CNTN1: variants seen among roughly 807,000 people sequenced by gnomAD.
CNTN1 encodes contactin 1, also known as contactin-1.
CNTN1 carries 38 observed loss-of-function variants against 126.4 expected under a neutral mutation model. The observed-to-expected ratio is 0.30, with a 90% CI of 0.23 to 0.39. CNTN1 has a LOEUF of 0.39. Among genes scored for constraint, CNTN1 ranks in the 10% least tolerant of loss-of-function variants. The pLI, the probability that CNTN1 is intolerant of heterozygous loss-of-function variation, is 1.00. For missense variants in CNTN1, 1,009 were observed against 1,248.4 expected (o/e 0.81, Z 2.89); for synonymous variants, 413 against 422.6 (o/e 0.98, Z 0.28).
At chr12:40,875,094 A>T (rs912813318) in intron 1 of CNTN1, among the ~76,000 whole-genome samples, 2 of 152,190 alleles carry the variant, frequency 1.3e-5, no homozygotes, top group Non-Finnish European at 2.9e-5. Flanking sequence ...TCATCTGGAC[A>T]CTTAAATATA....
intron 1 of CNTN1, among the ~76,000 whole-genome samples, chr12:40,693,581 G>A (rs969695967): frequency 6.6e-6 from 1 of 152,248 alleles, no homozygotes; most frequent in Admixed American, 6.5e-5. Flanking sequence ...TGATGGGAAA[G>A]AGGGAAAGCG....
chr12:40,948,661 T>G (rs1043480612), intron 14 of CNTN1, among the ~76,000 whole-genome samples: 3 of 152,230 alleles, frequency 2.0e-5, no homozygotes, highest in Non-Finnish European at 4.4e-5. Flanking sequence ...TCCACCACTT[T>G]GATTCATCTT....
chr12:41,004,729 T>C (rs1948449282), intron 17 of CNTN1, among the ~76,000 whole-genome samples: 1 of 152,244 alleles, frequency 6.6e-6, no homozygotes, highest in Admixed American at 6.5e-5. Flanking sequence ...AAAAGTCTGT[T>C]TTGTCAGAAA....
chr12:41,000,632 A>T (rs939953001), intron 17 of CNTN1, among the ~76,000 whole-genome samples: 12 of 151,508 alleles, frequency 7.9e-5, no homozygotes, highest in African/African-American at 1.7e-4. Flanking sequence ...ATATAGTTTT[A>T]TTTTTTTTAA....
At chr12:40,918,563 AT>A (rs892849418) in intron 3 of CNTN1, 75 bp from the exon 4 acceptor site, 200 of 1,334,654 alleles carry the variant, frequency 1.5e-4, no homozygotes, top group Non-Finnish European at 2.0e-4. Flanking sequence ...TTTTCAAGTA[AT>A]TTTTTTTCAA....
chr12:40,883,885 C>T (rs1053848615), intron 1 of CNTN1, among the ~76,000 whole-genome samples: 12 of 151,414 alleles, frequency 7.9e-5, no homozygotes, highest in East Asian at 1.9e-4. Flanking sequence ...AAGAGAAATG[C>T]ACTTAAATAC....
intron 1 of CNTN1, among the ~76,000 whole-genome samples, chr12:40,793,843 T>C (rs1596524): frequency 0.94 from 143,240 of 152,026 alleles, 68,063 homozygotes; most frequent in East Asian, 1. Flanking sequence ...TATCACAGCC[T>C]TATAACATTA....
intron 1 of CNTN1, among the ~76,000 whole-genome samples, chr12:40,813,238 A>T (rs1941150540): frequency 1.3e-5 from 2 of 150,832 alleles, no homozygotes; most frequent in Non-Finnish European, 2.9e-5. Context: ...AAAAGAAAAA[A>T]AAAAAACAGG....
At chr12:40,881,161 A>G (rs1233982985) in intron 1 of CNTN1, among the ~76,000 whole-genome samples, 3 of 152,078 alleles carry the variant, frequency 2.0e-5, no homozygotes, top group African/African-American at 7.2e-5. Context: ...TAATTGTTGT[A>G]CTGGAAACAA....
chr12:41,050,802 T>A (rs1013441178), intron 23 of CNTN1, among the ~76,000 whole-genome samples: 2 of 152,194 alleles, frequency 1.3e-5, no homozygotes, highest in Middle Eastern at 3.2e-3. Context: ...ACACTCTATA[T>A]CAGCATTTCT....
At chr12:40,770,625 C>T (rs753973522) in intron 1 of CNTN1, among the ~76,000 whole-genome samples, 6 of 152,006 alleles carry the variant, frequency 3.9e-5, no homozygotes, top group Non-Finnish European at 8.8e-5. Context: ...TACCAATTCA[C>T]ATATTGGGTT....
intron 1 of CNTN1, among the ~76,000 whole-genome samples, chr12:40,835,942 C>G (rs547565284): frequency 6.7e-6 from 1 of 150,100 alleles, no homozygotes; most frequent in African/African-American, 2.5e-5. Flanking sequence ...AGATATGAAC[C>G]TTTTCATCAG....
chr12:41,042,199 G>T (rs1450788058), intron 23 of CNTN1, among the ~76,000 whole-genome samples: 1 of 152,052 alleles, frequency 6.6e-6, no homozygotes, highest in Non-Finnish European at 1.5e-5. Context: ...GGAGCAGGTT[G>T]TTCAGTTTCC....
chr12:40,900,091 A>G (rs76525184), intron 1 of CNTN1, among the ~76,000 whole-genome samples: 1,951 of 152,230 alleles, frequency 0.013, 44 homozygotes, highest in African/African-American at 0.044. Context: ...GGAGAAAAAA[A>G]TCTTAAGGCT....
intron 23 of CNTN1, among the ~76,000 whole-genome samples, chr12:41,050,177 G>T (rs2121018478): frequency 6.6e-6 from 1 of 152,272 alleles, no homozygotes; most frequent in South Asian, 2.1e-4. Flanking sequence ...TGGGATTACA[G>T]GTGAGAGCCA....
intron 23 of CNTN1, among the ~76,000 whole-genome samples, chr12:41,036,758 T>C (rs931131644): frequency 1.3e-5 from 2 of 152,178 alleles, no homozygotes; most frequent in South Asian, 2.1e-4. Flanking sequence ...AGACCTTTTT[T>C]CTGGATTCCC....
At chr12:40,845,251 A>T (rs1015830414) in intron 1 of CNTN1, among the ~76,000 whole-genome samples, 4 of 152,242 alleles carry the variant, frequency 2.6e-5, no homozygotes, top group Non-Finnish European at 5.9e-5. Flanking sequence ...ATGCAAGTTT[A>T]TCAATCTCCC....
intron 23 of CNTN1, among the ~76,000 whole-genome samples, chr12:41,067,126 A>G (rs1022512107): frequency 1.3e-5 from 2 of 152,208 alleles, no homozygotes; most frequent in African/African-American, 4.8e-5. Context: ...TAGTACTTCA[A>G]TTCGGTCTCT....
At chr12:40,762,196 C>T (rs1291376564) in intron 1 of CNTN1, among the ~76,000 whole-genome samples, 2 of 152,164 alleles carry the variant, frequency 1.3e-5, no homozygotes, top group Non-Finnish European at 2.9e-5. Flanking sequence ...TTTACTGTTA[C>T]ACATATACAA....
Sources: allele counts gnomAD v4.1 joint callset (sites outside exome capture counted in the v4.1 genomes callset), GRCh38; gene constraint gnomAD v4.1.1; transcripts MANE v1.5; gene names NCBI Gene and HGNC (gene_info 2026-07-23, HGNC 2026-07-21).